LPP: variants seen among roughly 807,000 people sequenced by gnomAD.
LPP encodes LIM domain containing preferred translocation partner in lipoma.
Under a neutral mutation model 60.4 loss-of-function variants are expected in LPP, and 38 were observed. The observed-to-expected ratio is 0.63, with a 90% CI of 0.49 to 0.83. The LOEUF is 0.83. LPP is among the 40% of genes least tolerant of loss of function. The pLI, the probability that LPP is intolerant of heterozygous loss-of-function variation, is 0.00. For missense variants in LPP, 902 were observed against 783.6 expected (o/e 1.15, Z -1.80); for synonymous variants, 328 against 290.8 (o/e 1.13, Z -1.30).
intron 7 of LPP, among the ~76,000 whole-genome samples, chr3:188,706,618 AT>A (rs1425802451): frequency 2.0e-5 from 3 of 152,208 alleles, no homozygotes; most frequent in Admixed American, 6.5e-5. Flanking sequence ...ATTAATACCC[AT>A]CTTGGAGTTG....
At chr3:188,701,944 CTTTTTT>C (rs35803152) in intron 7 of LPP, among the ~76,000 whole-genome samples, 9 of 83,588 alleles carry the variant, frequency 1.1e-4, no homozygotes, top group East Asian at 4.1e-4. Context: ...GTTTTTTTCC[CTTTTTT>C]TTTTTTTTTT....
At chr3:188,263,481 C>T (rs953874211) in intron 2 of LPP, among the ~76,000 whole-genome samples, 1 of 152,150 alleles carries the variant, frequency 6.6e-6, no homozygotes, top group Non-Finnish European at 1.5e-5. Flanking sequence ...TATGATCTGT[C>T]CTCCCAGACA....
At chr3:188,492,298 C>G (rs138266572) in intron 5 of LPP, among the ~76,000 whole-genome samples, 181 of 152,250 alleles carry the variant, frequency 1.2e-3, no homozygotes, top group African/African-American at 4.1e-3. Context: ...CCCAATTTGT[C>G]TCTCCCATCA....
chr3:188,409,985 T>C (rs1784518239), intron 4 of LPP, among the ~76,000 whole-genome samples: 1 of 152,198 alleles, frequency 6.6e-6, no homozygotes, highest in African/African-American at 2.4e-5. Context: ...CAAACTGTTC[T>C]TTACTACCCC....
chr3:188,758,486 A>T (rs1229632212), intron 8 of LPP, among the ~76,000 whole-genome samples: 1 of 152,220 alleles, frequency 6.6e-6, no homozygotes, highest in Non-Finnish European at 1.5e-5. Flanking sequence ...CCTTAGGAAA[A>T]AAACTAAGAT....
intron 9 of LPP, among the ~76,000 whole-genome samples, chr3:188,782,923 C>T (rs1740291997): frequency 6.6e-6 from 1 of 152,088 alleles, no homozygotes. Context: ...GATGCCCTGG[C>T]CTCATTCTTC....
chr3:188,161,804 G>C (rs1033291461), intron 1 of LPP, among the ~76,000 whole-genome samples: 3 of 152,132 alleles, frequency 2.0e-5, no homozygotes, highest in Admixed American at 1.3e-4. Flanking sequence ...GGTATCTTAG[G>C]CTTGAAACTT....
intron 7 of LPP, among the ~76,000 whole-genome samples, chr3:188,697,828 G>A (rs1243692797): frequency 6.6e-6 from 1 of 150,532 alleles, no homozygotes; most frequent in African/African-American, 2.5e-5. Context: ...TGGCCCTTTT[G>A]CATATATATT....
chr3:188,490,751 ATTT>A (rs58700818), intron 5 of LPP, among the ~76,000 whole-genome samples: 1 of 91,738 alleles, frequency 1.1e-5, no homozygotes, highest in African/African-American at 3.9e-5. Context: ...TGGCACTGGA[ATTT>A]TTTTTTTTTT....
At chr3:188,344,328 A>C (rs2150705459) in intron 3 of LPP, among the ~76,000 whole-genome samples, 1 of 152,354 alleles carries the variant, frequency 6.6e-6, no homozygotes, top group Non-Finnish European at 1.5e-5. Flanking sequence ...TAGAGGCAGT[A>C]GTTATAAGTG....
At chr3:188,597,704 C>T (rs1283624414) in intron 6 of LPP, among the ~76,000 whole-genome samples, 1 of 152,118 alleles carries the variant, frequency 6.6e-6, no homozygotes, top group Non-Finnish European at 1.5e-5. Context: ...GTGGGCAATT[C>T]TGTTACCGAA....
chr3:188,305,665 A>G (rs1751290085), intron 2 of LPP, among the ~76,000 whole-genome samples: 1 of 152,220 alleles, frequency 6.6e-6, no homozygotes, highest in African/African-American at 2.4e-5. Flanking sequence ...CTATAGACTT[A>G]AGAGAACTGC....
intron 6 of LPP, among the ~76,000 whole-genome samples, chr3:188,582,247 G>T (rs1836408744): frequency 6.9e-6 from 1 of 143,960 alleles, no homozygotes; most frequent in South Asian, 2.2e-4. Context: ...TGCAACCTCT[G>T]CCTACCAGGT....
chr3:188,839,200 C>A (rs546024489), intron 9 of LPP, among the ~76,000 whole-genome samples: 4 of 152,166 alleles, frequency 2.6e-5, no homozygotes, highest in African/African-American at 9.6e-5. Context: ...ATTTGAGTTA[C>A]GCAAAGCTGC....
At chr3:188,332,912 A>ACCCCCC (rs1760529595) in intron 2 of LPP, among the ~76,000 whole-genome samples, 1 of 73,242 alleles carries the variant, frequency 1.4e-5, no homozygotes, top group East Asian at 6.1e-4. Context: ...CTTCACCCCC[A>ACCCCCC]CCCTCCCACC....
At chr3:188,539,322 A>G (rs1428077662) in intron 6 of LPP, among the ~76,000 whole-genome samples, 1 of 152,226 alleles carries the variant, frequency 6.6e-6, no homozygotes, top group African/African-American at 2.4e-5. Flanking sequence ...GTACATGGTA[A>G]GAAAGAAGCA....
intron 7 of LPP, among the ~76,000 whole-genome samples, chr3:188,707,319 G>C (rs544156068): frequency 5.3e-5 from 8 of 152,136 alleles, no homozygotes; most frequent in Non-Finnish European, 8.8e-5. Context: ...AAAGGCCCCA[G>C]TGGCCCTGCA....
chr3:188,413,499 C>T (rs528810758), intron 4 of LPP, among the ~76,000 whole-genome samples: 1 of 152,106 alleles, frequency 6.6e-6, no homozygotes, highest in Non-Finnish European at 1.5e-5. Context: ...TAATGAAGCT[C>T]GGGTTTGCCT....
At chr3:188,416,669 G>A (rs1411898355) in intron 4 of LPP, among the ~76,000 whole-genome samples, 1 of 152,140 alleles carries the variant, frequency 6.6e-6, no homozygotes, top group Non-Finnish European at 1.5e-5. Context: ...TTTTCCCTCA[G>A]TGCTTTCATT....
Sources: gnomAD v4.1 joint callset for allele counts (sites outside exome capture counted in the v4.1 genomes callset) on GRCh38, gnomAD v4.1.1 for gene constraint, MANE v1.5 for transcripts, NCBI Gene and HGNC (gene_info 2026-07-23, HGNC 2026-07-21) for gene names.